NRXN3: variants seen among roughly 807,000 people sequenced by gnomAD.
NRXN3 encodes neurexin III.
In NRXN3, 32 loss-of-function variants were observed where a neutral mutation model predicts 137.6. That is an observed-to-expected ratio of 0.23 (90% CI 0.18 to 0.31). The LOEUF (loss-of-function observed/expected upper bound fraction) is 0.31, where lower values mean the gene tolerates loss of function less well. Ranked by LOEUF, NRXN3 falls within the 10% of genes least tolerant of loss-of-function variation. The probability of loss-of-function intolerance (pLI) is 1.00; values close to 1 mark genes in which losing one functional copy is unlikely to be tolerated. For missense variants in NRXN3, 1,574 were observed against 2,062.5 expected (o/e 0.76, Z 4.59); for synonymous variants, 798 against 784.5 (o/e 1.02, Z -0.29).
At chr14:79,209,733 A>G (rs2067357056) in intron 15 of NRXN3, among the ~76,000 whole-genome samples, 1 of 152,220 alleles carries the variant, frequency 6.6e-6, no homozygotes, top group Non-Finnish European at 1.5e-5. Context: ...CACAAGACCT[A>G]AAAGAGTGCT....
intron 4 of NRXN3, among the ~76,000 whole-genome samples, chr14:78,471,044 G>C (rs748989322): frequency 6.6e-6 from 1 of 152,098 alleles, no homozygotes; most frequent in Non-Finnish European, 1.5e-5. Flanking sequence ...GTAATGACAA[G>C]GCCTTCATTC....
chr14:79,646,729 A>C (rs2098454831), intron 16 of NRXN3, among the ~76,000 whole-genome samples: 1 of 131,430 alleles, frequency 7.6e-6, no homozygotes, highest in African/African-American at 2.5e-5. Context: ...TACAGAAGGC[A>C]TGGTTTCTCC....
chr14:79,729,168 C>A (rs1341158160), intron 19 of NRXN3, among the ~76,000 whole-genome samples: 3 of 152,152 alleles, frequency 2.0e-5, no homozygotes. Context: ...AGAAAGAATC[C>A]TTGTCTCCCA....
intron 15 of NRXN3, among the ~76,000 whole-genome samples, chr14:79,120,939 C>T (rs1024779924): frequency 6.6e-6 from 1 of 152,066 alleles, no homozygotes; most frequent in Non-Finnish European, 1.5e-5. Flanking sequence ...CTTATTGTAT[C>T]ACATTTCTAC....
At chr14:78,738,366 G>T (rs899221867) in intron 8 of NRXN3, among the ~76,000 whole-genome samples, 1 of 152,158 alleles carries the variant, frequency 6.6e-6, no homozygotes, top group Non-Finnish European at 1.5e-5. Context: ...TCACCCGTTC[G>T]AGGAATGAGT....
intron 15 of NRXN3, among the ~76,000 whole-genome samples, chr14:79,020,862 T>TACAC (rs3035451): frequency 0.15 from 21,778 of 144,714 alleles, 1,869 homozygotes; most frequent in Admixed American, 0.29. Flanking sequence ...GCTTGCATTT[T>TACAC]ACACACACAC....
At chr14:79,388,009 G>C (rs1464418175) in intron 15 of NRXN3, among the ~76,000 whole-genome samples, 1 of 150,808 alleles carries the variant, frequency 6.6e-6, no homozygotes, top group Non-Finnish European at 1.5e-5. Flanking sequence ...TGTAAATGAC[G>C]AGTTAATGGG....
chr14:79,611,060 T>C (rs983014420), intron 16 of NRXN3, among the ~76,000 whole-genome samples: 2 of 152,182 alleles, frequency 1.3e-5, no homozygotes, highest in Non-Finnish European at 2.9e-5. Context: ...CACTTCATGA[T>C]GGAATGCGTC....
intron 15 of NRXN3, among the ~76,000 whole-genome samples, chr14:79,316,100 G>C (rs1188080523): frequency 6.6e-6 from 1 of 152,192 alleles, no homozygotes; most frequent in Non-Finnish European, 1.5e-5. Flanking sequence ...AGGAAGGTAT[G>C]ATTCTTATTT....
At chr14:78,974,249 A>C (rs2099455447) in intron 14 of NRXN3, among the ~76,000 whole-genome samples, 1 of 152,178 alleles carries the variant, frequency 6.6e-6, no homozygotes, top group Admixed American at 6.5e-5. Context: ...GGCAGGACTC[A>C]ATCTGAATGC....
rs761189567 is a variant in NRXN3, at chr14:79,709,750, G to A, written c.4014+11813G>A. Among the ~76,000 whole-genome samples, 9 of 152,036 alleles carry A rather than the reference G, an allele frequency of 5.9e-5. 1 individual carries two copies. The highest frequency in any genetic ancestry group is 3.9e-4 in the East Asian group (2 of 5,180). ...TGAAATTTCACCCAGCCTTTATCTC[G>A]GGGCTGCTGTTCTCATGATTAATGC... On this transcript the variant is annotated intron_variant, in intron 19 of 20. Coordinates refer to ENST00000335750, the MANE Select transcript of NRXN3 (RefSeq NM_001330195.2).
At chr14:79,374,572 C>A (rs139809035) in intron 15 of NRXN3, among the ~76,000 whole-genome samples, 51 of 151,596 alleles carry the variant, frequency 3.4e-4, no homozygotes, top group African/African-American at 1.1e-3. Context: ...TCTGGTATAC[C>A]CTCACATGGC....
At chr14:79,425,136 A>G (rs941957119) in intron 15 of NRXN3, among the ~76,000 whole-genome samples, 5 of 152,158 alleles carry the variant, frequency 3.3e-5, no homozygotes, top group Non-Finnish European at 7.4e-5. Context: ...GCCCTTTGGG[A>G]CTTTTAACTC....
chr14:78,856,683 G>A (rs2099058056), intron 10 of NRXN3, among the ~76,000 whole-genome samples: 1 of 152,010 alleles, frequency 6.6e-6, no homozygotes, highest in Admixed American at 6.6e-5. Flanking sequence ...AGTGTCTTAT[G>A]GATAGGTAAT....
intron 4 of NRXN3, among the ~76,000 whole-genome samples, chr14:78,615,193 C>A (rs1227946180): frequency 6.6e-6 from 1 of 152,090 alleles, no homozygotes; most frequent in African/African-American, 2.4e-5. Flanking sequence ...CTCATTAGGT[C>A]CTCACTATAG....
intron 16 of NRXN3, among the ~76,000 whole-genome samples, chr14:79,483,704 A>G (rs2096628866): frequency 6.6e-6 from 1 of 152,080 alleles, no homozygotes; most frequent in Admixed American, 6.5e-5. Context: ...TGACATCTTT[A>G]TGCTGCAGAT....
intron 4 of NRXN3, among the ~76,000 whole-genome samples, chr14:78,523,816 C>CAAAAAAAAAAAAAAAAAAAAAAA (rs56083130): frequency 2.9e-4 from 18 of 61,574 alleles, no homozygotes; most frequent in Non-Finnish European, 3.9e-4. Context: ...GACTCTGTCT[C>CAAAAAAAAAAAAAAAAAAAAAAA]AAAAAAAAAA....
chr14:79,253,665 G>A (rs2076219847), intron 15 of NRXN3, among the ~76,000 whole-genome samples: 1 of 152,218 alleles, frequency 6.6e-6, no homozygotes, highest in African/African-American at 2.4e-5. Flanking sequence ...GGAGAAGCAA[G>A]CACATTTTCA....
intron 19 of NRXN3, among the ~76,000 whole-genome samples, chr14:79,735,272 G>C (rs962895712): frequency 6.6e-6 from 1 of 152,176 alleles, no homozygotes; most frequent in African/African-American, 2.4e-5. Flanking sequence ...TCAGGGAAAA[G>C]TAGTAAAGTG....
Sources: gnomAD v4.1 joint callset for allele counts (sites outside exome capture counted in the v4.1 genomes callset) on GRCh38, gnomAD v4.1.1 for gene constraint, MANE v1.5 for transcripts, NCBI Gene and HGNC (gene_info 2026-07-23, HGNC 2026-07-21) for gene names.